MLIP: variants seen among roughly 807,000 people sequenced by gnomAD.
The protein encoded by MLIP is muscular LMNA interacting protein.
A neutral mutation model predicts 84.8 loss-of-function variants in MLIP; 79 were observed. The observed-to-expected ratio is 0.93, with a 90% confidence interval of 0.78 to 1.12. MLIP has a LOEUF of 1.12. MLIP is among the 50% of genes most tolerant of loss of function. The pLI is 0.00. For missense variants in MLIP, 1,257 were observed against 1,160.6 expected (o/e 1.08, Z -1.21); for synonymous variants, 504 against 463.0 (o/e 1.09, Z -1.14).
At chr6:54,088,174 C>A (rs1767625341) in intron 1 of MLIP, among the ~76,000 whole-genome samples, 1 of 152,022 alleles carries the variant, frequency 6.6e-6, no homozygotes, top group Non-Finnish European at 1.5e-5. Flanking sequence ...GAAGAACAAG[C>A]CAAGGAAAAG....
At chr6:54,218,644 C>T (rs9382309) in intron 11 of MLIP, among the ~76,000 whole-genome samples, 3,788 of 152,008 alleles carry the variant, frequency 0.025, 127 homozygotes, top group African/African-American at 0.077. Flanking sequence ...GTCAGCCTCC[C>T]GGTAGCTGGG....
chr6:54,237,168 T>G (rs1262847441), intron 12 of MLIP, among the ~76,000 whole-genome samples: 1 of 151,434 alleles, frequency 6.6e-6, no homozygotes, highest in Non-Finnish European at 1.5e-5. Flanking sequence ...AGGAGAGGCA[T>G]CTGGTAAAGG....
At chr6:54,234,632 G>A (rs977074428) in intron 12 of MLIP, among the ~76,000 whole-genome samples, 20 of 152,088 alleles carry the variant, frequency 1.3e-4, no homozygotes, top group African/African-American at 1.9e-4. Context: ...TCTTCAGCCC[G>A]TTCTTGAAAG....
intron 10 of MLIP, among the ~76,000 whole-genome samples, chr6:54,201,482 A>G (rs1353263288): frequency 6.6e-6 from 1 of 152,144 alleles, no homozygotes; most frequent in Non-Finnish European, 1.5e-5. Context: ...AGGTCATGTT[A>G]AGGCTTTCCT....
chr6:54,051,720 C>T (rs1309382748), intron 1 of MLIP, among the ~76,000 whole-genome samples: 4 of 152,028 alleles, frequency 2.6e-5, no homozygotes, highest in Non-Finnish European at 5.9e-5. Context: ...CTCAGTTTCT[C>T]TAGAAAATGA....
intron 1 of MLIP, among the ~76,000 whole-genome samples, chr6:54,097,781 G>A (rs1195974065): frequency 6.6e-6 from 1 of 152,144 alleles, no homozygotes; most frequent in African/African-American, 2.4e-5. Flanking sequence ...AGCCTAACAG[G>A]TAGGTTTTTA....
At chr6:54,159,105 A>C (rs1774347425) in intron 5 of MLIP, among the ~76,000 whole-genome samples, 1 of 151,756 alleles carries the variant, frequency 6.6e-6, no homozygotes. Flanking sequence ...TAGAGATGGG[A>C]TCTCACTGTG....
At chr6:54,168,625 T>A (rs1355014333) in intron 8 of MLIP, among the ~76,000 whole-genome samples, 1 of 151,846 alleles carries the variant, frequency 6.6e-6, no homozygotes, top group East Asian at 1.9e-4. Context: ...TACACAAATA[T>A]GTATTGAGTG....
intron 3 of MLIP, among the ~76,000 whole-genome samples, chr6:54,125,195 A>C (rs1770816162): frequency 6.6e-6 from 1 of 152,236 alleles, no homozygotes; most frequent in Non-Finnish European, 1.5e-5. Flanking sequence ...TTAGTCAAGA[A>C]GAGTGTGCTT....
chr6:54,139,919 TA>T (rs1772145024), intron 4 of MLIP, among the ~76,000 whole-genome samples: 1 of 152,154 alleles, frequency 6.6e-6, no homozygotes, highest in African/African-American at 2.4e-5. Flanking sequence ...TGGGGTCATT[TA>T]AAAAATGTAT....
intron 3 of MLIP, among the ~76,000 whole-genome samples, chr6:54,125,820 G>A (rs1251871156): frequency 2.0e-5 from 3 of 151,978 alleles, no homozygotes; most frequent in Admixed American, 6.6e-5. Context: ...CTGGCGTGTT[G>A]GTCTTTTTGC....
At chr6:54,103,032 CAT>C (rs1768769736) in intron 1 of MLIP, among the ~76,000 whole-genome samples, 1 of 152,016 alleles carries the variant, frequency 6.6e-6, no homozygotes, top group Admixed American at 6.6e-5. Flanking sequence ...AAATATTCAC[CAT>C]GGAATCTCTG....
chr6:54,186,282 T>C (rs1045478654), intron 9 of MLIP, among the ~76,000 whole-genome samples: 3 of 152,184 alleles, frequency 2.0e-5, no homozygotes, highest in African/African-American at 7.2e-5. Context: ...TTTAGGAACA[T>C]AACTTATTGT....
chr6:54,099,859 T>G (rs1768512374), intron 1 of MLIP, among the ~76,000 whole-genome samples: 1 of 152,170 alleles, frequency 6.6e-6, no homozygotes, highest in African/African-American at 2.4e-5. Context: ...ACAGCTTCAT[T>G]TTATGAAGAG....
At chr6:54,039,131 C>A (rs1764605567) in intron 1 of MLIP, among the ~76,000 whole-genome samples, 1 of 151,762 alleles carries the variant, frequency 6.6e-6, no homozygotes, top group South Asian at 2.1e-4. Flanking sequence ...AAGGTATGAG[C>A]AAAACTATAC....
At position 54,144,731 on chromosome 6, in the gene MLIP, C is replaced by T. The variant is rs1772628705; in HGVS notation, c.2218-4325C>T. On this transcript the variant is annotated intron_variant, in intron 4 of 13. Transcript: ENST00000502396. ...CTGGGGGTTAGGGGCCCCTGATTTA[C>T]CACACTTAAAGTGTAACTGTGAGTC... is the stretch of plus-strand genomic sequence containing the variant. Among the ~76,000 whole-genome samples the T allele has an allele frequency of 4.6e-5, 7 of 152,180 alleles. No homozygotes were observed. In the South Asian group the frequency reaches 1.0e-3, roughly 23 times the overall value.
At chr6:54,195,198 G>C (rs1778210137) in intron 10 of MLIP, among the ~76,000 whole-genome samples, 1 of 151,968 alleles carries the variant, frequency 6.6e-6, no homozygotes, top group Non-Finnish European at 1.5e-5. Flanking sequence ...CAAACTCTTT[G>C]AGCCCATAAA....
chr6:54,050,304 C>T (rs1021991277), intron 1 of MLIP, among the ~76,000 whole-genome samples: 1 of 152,016 alleles, frequency 6.6e-6, no homozygotes, highest in African/African-American at 2.4e-5. Flanking sequence ...GTATTTTTTA[C>T]CTTACCATCT....
Position 54,137,469 on chromosome 6 carries a change from C to T in MLIP, c.1400C>T (p.Ser467Leu). 1.3e-6 allele frequency: 2 copies of T among 1,536,068 alleles called. No individual in the cohort carries two copies. The highest frequency in any genetic ancestry group is 1.7e-6 in the Non-Finnish European group (2 of 1,146,892). Residue 467 changes from serine (S) to leucine (L), a missense_variant, in exon 4 of 14, where the codon TCA (serine) becomes TTA (leucine). Transcript: ENST00000502396. ...QTPPTPKKSL[S>L]SCSLRAGSPD... ...CCACCCACGCCTAAAAAATCTCTCT[C>T]AAGTTGTTCCCTGAGAGCCGGGTCA...
Sources: allele counts gnomAD v4.1 joint callset (sites outside exome capture counted in the v4.1 genomes callset), GRCh38; gene constraint gnomAD v4.1.1; transcripts MANE v1.5; gene names NCBI Gene and HGNC (gene_info 2026-07-23, HGNC 2026-07-21).